The following SDK1 variants were observed in gnomAD, a reference collection of about 807,000 sequenced individuals.
The protein encoded by SDK1 is sidekick cell adhesion molecule 1, also known as protein sidekick-1.
In SDK1, 157 loss-of-function variants were observed where a neutral mutation model predicts 245.5. That is an observed-to-expected ratio of 0.64 (90% CI 0.56 to 0.73). SDK1 has a LOEUF of 0.73. SDK1 is among the 30% of genes least tolerant of loss of function. The probability of loss-of-function intolerance (pLI) is 0.00; values close to 1 mark genes in which losing one functional copy is unlikely to be tolerated. For synonymous variants in SDK1, 1,647 were observed against 1,278.5 expected (o/e 1.29, Z -6.15); for missense variants, 3,583 against 3,002.3 (o/e 1.19, Z -4.52).
chr7:3,592,764 G>T lies in SDK1; in HGVS notation c.299-26316G>T, dbSNP rs184717202. Among the ~76,000 whole-genome samples, 365 of 152,234 alleles carry T rather than the reference G, an allele frequency of 2.4e-3. 2 individuals carry two copies. Among genetic ancestry groups the T allele is most frequent in the South Asian group, 0.017 (82 of 4,818 alleles). On this transcript the variant is annotated intron_variant, in intron 1 of 44. Coordinates refer to ENST00000404826, the MANE Select transcript of SDK1 (RefSeq NM_152744.4). ...TTTATATAAAGAACTTTGCTCTATC[G>T]TAGCTCCAGAATCTGCTCAGATTGC...
rs60883057 is a variant in SDK1, at chr7:4,139,705, A to G, written c.4229-6017A>G. 2.7e-3 allele frequency among the ~76,000 whole-genome samples: 297 copies of G among 111,800 alleles called. 18 individuals are homozygous for G. Among genetic ancestry groups the G allele is most frequent in the South Asian group, 8.4e-3 (23 of 2,752 alleles). The allele number at this position is 111,800 out of a possible 152,430, so 73.3% of individuals were successfully genotyped here. ...TGTGTGTGTGTATGTGTGTGTGTGT[A>G]TGTGTGTGTGTGTGTATGTGTGTGT... On this transcript the variant is annotated intron_variant, in intron 28 of 44. Transcript: ENST00000404826.
At chr7:3,953,938 G>T (rs1376044431) in intron 7 of SDK1, among the ~76,000 whole-genome samples, 1 of 152,116 alleles carries the variant, frequency 6.6e-6, no homozygotes, top group Non-Finnish European at 1.5e-5. Flanking sequence ...GAGGGATTTG[G>T]ATGAGATTAT....
intron 20 of SDK1, among the ~76,000 whole-genome samples, chr7:4,070,090 G>C (rs767296217): frequency 6.6e-6 from 1 of 152,192 alleles, no homozygotes; most frequent in Non-Finnish European, 1.5e-5. Context: ...AAGTAGTTAG[G>C]TCCAAACAAC....
At chr7:4,214,517 C>T (rs773064406) in intron 38 of SDK1, among the ~76,000 whole-genome samples, 14 of 152,298 alleles carry the variant, frequency 9.2e-5, no homozygotes, top group African/African-American at 3.4e-4. Context: ...GAGATTAGAG[C>T]GAGAGGGGAG....
chr7:3,363,839 A>C (rs1781016678), intron 1 of SDK1, among the ~76,000 whole-genome samples: 1 of 152,164 alleles, frequency 6.6e-6, no homozygotes, highest in Non-Finnish European at 1.5e-5. Flanking sequence ...TGGACTGGTA[A>C]CAGTTGTTGG....
chr7:3,637,582 A>G (rs1782504644), intron 2 of SDK1, among the ~76,000 whole-genome samples: 1 of 152,306 alleles, frequency 6.6e-6, no homozygotes. Flanking sequence ...TTGCTGGTGG[A>G]TTTTAAAACA....
chr7:3,341,019 C>T (rs1047046382), intron 1 of SDK1, among the ~76,000 whole-genome samples: 2 of 152,048 alleles, frequency 1.3e-5, no homozygotes, highest in African/African-American at 4.8e-5. Flanking sequence ...CCTACAAAGT[C>T]ATTTTGTGAG....
At chr7:3,509,621 GTCTGTCTGTCTCT>G (rs1782510969) in intron 1 of SDK1, among the ~76,000 whole-genome samples, 1 of 152,142 alleles carries the variant, frequency 6.6e-6, no homozygotes. Flanking sequence ...AGCAGAGCTG[GTCTGTCTGTCTCT>G]GGGCCCCTCT....
chr7:3,893,126 C>G (rs559210876), intron 5 of SDK1, among the ~76,000 whole-genome samples: 23 of 152,182 alleles, frequency 1.5e-4, no homozygotes, highest in Admixed American at 3.9e-4. Context: ...GCATCTAACT[C>G]TCAGGGCTGT....
chr7:3,950,783 G>A (rs1481625223), intron 5 of SDK1, 140 bp from the exon 6 acceptor site: 10 of 629,226 alleles, frequency 1.6e-5, no homozygotes, highest in South Asian at 9.5e-5. Flanking sequence ...ATACATCAGG[G>A]ACAATTTGTG....
At chr7:3,659,633 C>T (rs1315979859) in intron 4 of SDK1, among the ~76,000 whole-genome samples, 2 of 152,154 alleles carry the variant, frequency 1.3e-5, no homozygotes, top group African/African-American at 2.4e-5. Flanking sequence ...AGTGAATTTT[C>T]TCCACGTGTA....
intron 1 of SDK1, among the ~76,000 whole-genome samples, chr7:3,543,816 A>G (rs564248714): frequency 6.6e-6 from 1 of 152,324 alleles, no homozygotes; most frequent in Admixed American, 6.5e-5. Flanking sequence ...TGATCTTTTC[A>G]GAGTATGTAA....
intron 1 of SDK1, among the ~76,000 whole-genome samples, chr7:3,445,668 T>G (rs1326758584): frequency 6.6e-6 from 1 of 152,146 alleles, no homozygotes; most frequent in Non-Finnish European, 1.5e-5. Flanking sequence ...TCTATGTCAT[T>G]TTATGAACCT....
At position 3,958,970 on chromosome 7, in the gene SDK1, C is replaced by T. The variant is rs765510202; in HGVS notation, c.1190C>T (p.Ser397Leu). 9.9e-6 allele frequency: 16 copies of T among 1,613,790 alleles called. No homozygotes were observed. The African/African-American group carries it at 1.5e-4, about 15-fold the overall frequency. The change falls in exon 8 of 45, where the codon TCA becomes TTA. Residue 397 changes from serine (S) to leucine (L), a missense_variant. Coordinates refer to ENST00000404826, the MANE Select transcript of SDK1 (RefSeq NM_152744.4). Reference sequence around the variant, plus strand: ...ACTGCTGAGCCCGAGAGTCGGATTTCAGCTGAAGTAGAAGAAACTGTGGAC... The same window carrying T: ...ACTGCTGAGCCCGAGAGTCGGATTTTAGCTGAAGTAGAAGAAACTGTGGAC... ...YFTAEPESRISAEVEETVDIG... is the reference protein window; with the variant it reads ...YFTAEPESRILAEVEETVDIG...
Position 4,149,335 on chromosome 7 carries a change from G to T in SDK1, c.4497G>T (p.Trp1499Cys). 6.3e-7 allele frequency: 1 copy of T among 1,590,898 alleles called. No homozygotes were observed. The highest frequency in any genetic ancestry group is 8.6e-7 in the Non-Finnish European group (1 of 1,168,880). Residue 1499 changes from tryptophan (W) to cysteine (C), a missense_variant, in exon 30 of 45, where the codon TGG (tryptophan) becomes TGT (cysteine). Trp to Cys is a radical substitution (Grantham distance 215). Coordinates refer to ENST00000404826, the MANE Select transcript of SDK1 (RefSeq NM_152744.4). ...CCGCACGCAGCCTCCGGCTCCAGTGGGTCCCGGGCAGCGACGGGGCCTCCC... is the reference window on the plus strand; with the variant it reads ...CCGCACGCAGCCTCCGGCTCCAGTGTGTCCCGGGCAGCGACGGGGCCTCCC... The part of the protein sequence containing the change: ...EVTARSLRLQ[W>C]VPGSDGASPI...
At chr7:3,862,210 G>A (rs1276941561) in intron 5 of SDK1, among the ~76,000 whole-genome samples, 2 of 152,186 alleles carry the variant, frequency 1.3e-5, no homozygotes, top group Admixed American at 6.5e-5. Context: ...GAACCACATG[G>A]CGGAGCTTTG....
intron 4 of SDK1, among the ~76,000 whole-genome samples, chr7:3,765,915 C>A (rs957732968): frequency 6.6e-6 from 1 of 152,144 alleles, no homozygotes; most frequent in African/African-American, 2.4e-5. Context: ...CTCCTTAGAT[C>A]ATGTTTTAGA....
chr7:4,198,060 T>A (rs1297004638), intron 35 of SDK1, among the ~76,000 whole-genome samples: 1 of 151,942 alleles, frequency 6.6e-6, no homozygotes, highest in Non-Finnish European at 1.5e-5. Context: ...AAATCAGCAC[T>A]GAGACAGAGG....
intron 1 of SDK1, among the ~76,000 whole-genome samples, chr7:3,553,858 C>A (rs1176979608): frequency 1.3e-5 from 2 of 152,166 alleles, no homozygotes; most frequent in African/African-American, 4.8e-5. Context: ...GGACACTGGG[C>A]ATTAGGCCTG....
Sources: gnomAD v4.1 joint callset for allele counts (sites outside exome capture counted in the v4.1 genomes callset) on GRCh38, gnomAD v4.1.1 for gene constraint, MANE v1.5 for transcripts, NCBI Gene and HGNC (gene_info 2026-07-23, HGNC 2026-07-21) for gene names.